WNT4: variants seen among roughly 807,000 people sequenced by gnomAD.
WNT4 encodes protein Wnt-4.
In WNT4, 16 loss-of-function variants were observed where a neutral mutation model predicts 34.5. That is an observed-to-expected ratio of 0.46 (90% CI 0.31 to 0.70). The LOEUF (loss-of-function observed/expected upper bound fraction) is 0.70, where lower values mean the gene tolerates loss of function less well. Among genes scored for constraint, WNT4 ranks in the 30% least tolerant of loss-of-function variants. WNT4 has a pLI of 0.04. For missense variants in WNT4, 379 were observed against 495.9 expected (o/e 0.76, Z 2.24); for synonymous variants, 200 against 211.9 (o/e 0.94, Z 0.49).
chr1:22,141,217 C>A (rs1646063571), intron 1 of WNT4, among the ~76,000 whole-genome samples: 1 of 152,242 alleles, frequency 6.6e-6, no homozygotes, highest in Non-Finnish European at 1.5e-5. Context: ...ATGTCGCTGT[C>A]TTCCATGTAG....
chr1:22,143,047 C>T lies in WNT4; in HGVS notation c.-125G>A, dbSNP rs1646085546. On this transcript the variant is annotated 5_prime_UTR_variant, in exon 1 of 5. Transcript: ENST00000290167. Reference sequence around the variant, plus strand: ...GCGGCGGGGCTCTGCCTCCGTGTGCCTGCCGGCAGCCTGCCCGCTGCTGCG... The same window carrying T: ...GCGGCGGGGCTCTGCCTCCGTGTGCTTGCCGGCAGCCTGCCCGCTGCTGCG... 1 of 291,640 alleles carries T rather than the reference C, an allele frequency of 3.4e-6. No homozygotes were observed. Among genetic ancestry groups the T allele is most frequent in the African/African-American group, 2.3e-5 (1 of 43,288 alleles). The allele number at this position is 291,640 out of a possible 1,614,324, so 18.1% of individuals were successfully genotyped here. A position where few individuals can be genotyped will look rare whatever the true frequency, so the allele number is the denominator to read the frequency against.
At position 22,119,752 on chromosome 1, in the gene WNT4, A is replaced by C; in HGVS notation, c.*298T>G. ...TACTCCACCTTAGGTCTGCAAGTAG[A>C]AAAACGGACACAGATAACAACTGAG... On this transcript the variant is annotated 3_prime_UTR_variant, in exon 5 of 5. Coordinates refer to ENST00000290167, the MANE Select transcript of WNT4 (RefSeq NM_030761.5). 1 of 509,992 alleles carries C rather than the reference A, an allele frequency of 2.0e-6. No individual in the cohort carries two copies. 31.6% of individuals were successfully genotyped at this position (509,992 alleles called of 1,614,324 possible). A position where few individuals can be genotyped will look rare whatever the true frequency, so the allele number is the denominator to read the frequency against.
At position 22,118,739 on chromosome 1, in the gene WNT4, C is replaced by T. The variant is rs928346452; in HGVS notation, c.*1311G>A. 5.7e-4 allele frequency: 87 copies of T among 152,712 alleles called. 2 individuals are homozygous for T. Among genetic ancestry groups the T allele is most frequent in the Non-Finnish European group, 2.9e-5 (2 of 68,458 alleles). The allele number at this position is 152,712 out of a possible 1,614,324, so 9.5% of individuals were successfully genotyped here. On this transcript the variant is annotated 3_prime_UTR_variant, in exon 5 of 5. Coordinates refer to ENST00000290167, the MANE Select transcript of WNT4 (RefSeq NM_030761.5). ...TGCCCCTTTTCGTCCAGCCAGAACC[C>T]CTGCCCCAGGCTCAGACCCAAGAAG... is the stretch of plus-strand genomic sequence containing the variant.
chr1:22,129,405 C>T (rs752014199), intron 2 of WNT4, among the ~76,000 whole-genome samples: 1 of 152,200 alleles, frequency 6.6e-6, no homozygotes, highest in Non-Finnish European at 1.5e-5. Flanking sequence ...TTCTGATGGC[C>T]CCCATCCCAC....
rs1477555330 is a variant in WNT4 at position 22,137,862 on chromosome 1, C to A, written c.77+4984G>T. ...CACTTCCTGCCACCCACCTCTGTGC[C>A]TTTTAGTATCACCTGAGCCTCAGGG... On this transcript the variant is annotated intron_variant, in intron 1 of 4. Coordinates refer to ENST00000290167, the MANE Select transcript of WNT4 (RefSeq NM_030761.5). This position sits in a 1 kb window ranked among gnomAD's most constrained non-coding sequence, Gnocchi z 5.3. Among the ~76,000 whole-genome samples the A allele has an allele frequency of 6.6e-6, 1 of 152,190 alleles. No individual in the cohort carries two copies. Among genetic ancestry groups the A allele is most frequent in the African/African-American group, 2.4e-5 (1 of 41,442 alleles).
At chr1:22,120,905 G>T (rs1645892438) in intron 4 of WNT4, among the ~76,000 whole-genome samples, 1 of 152,130 alleles carries the variant, frequency 6.6e-6, no homozygotes, top group African/African-American at 2.4e-5. Flanking sequence ...GGAGAGAAAG[G>T]TTCACATCTA....
intron 1 of WNT4, among the ~76,000 whole-genome samples, chr1:22,130,879 A>G (rs1406861993): frequency 6.6e-6 from 1 of 152,270 alleles, no homozygotes. Flanking sequence ...CTTTCTGATG[A>G]TAAGAAGAAA....
In WNT4 at chr1:22,142,851, G is replaced by C. The variant is rs1646082663; in HGVS notation, c.72C>G (p.Asn24Lys). Residue 24 changes from asparagine (N) to lysine (K), a missense_variant, in exon 1 of 5, where the codon AAC becomes AAG. Physicochemically the swap from Asn to Lys is moderately conservative, Grantham distance 94 (BLOSUM62 0). This residue lies in a region of WNT4 where 66 missense variants were observed against 50.1 expected (regional missense o/e 1.32). Coordinates refer to ENST00000290167, the MANE Select transcript of WNT4 (RefSeq NM_030761.5). The surrounding 1 kb of genome is among the most constrained non-coding windows in gnomAD (Gnocchi z 6.0). ...TCGGCCCCGGCCAGACTTACAGCCA[G>C]TTGCTCGCGGCGGCTGAGAAGACGG... Reference protein sequence around the residue: ...VFAVFSAAASNWLYLAKLSSV... With the variant: ...VFAVFSAAASKWLYLAKLSSV... The C allele has an allele frequency of 8.3e-7, 1 of 1,211,266 alleles. No individual in the cohort carries two copies. The allele number at this position is 1,211,266 out of a possible 1,614,324, so 75.0% of individuals were successfully genotyped here.
chr1:22,129,889 C>T, intron 1 of WNT4, 38 bp from the exon 2 acceptor site: 1 of 1,607,238 alleles, frequency 6.2e-7, no homozygotes, highest in Non-Finnish European at 8.5e-7. Context: ...AGCCCACCTC[C>T]TCATCTTTCC....
rs553097752 is a variant in WNT4 at position 22,124,548 on chromosome 1, C to A, written c.314-2972G>T. Among the ~76,000 whole-genome samples the A allele has an allele frequency of 3.9e-5, 6 of 152,308 alleles. No individual in the cohort carries two copies. The South Asian group carries it at 1.2e-3, about 32-fold the overall frequency. On this transcript the variant is annotated intron_variant, in intron 2 of 4. Coordinates refer to ENST00000290167, the MANE Select transcript of WNT4 (RefSeq NM_030761.5). Reference sequence around the variant, plus strand: ...AGGGCTTGCTATGTGCTGTCTAAGGCTCATGACAGCCTTAGCAATGAGCTC... The same window carrying A: ...AGGGCTTGCTATGTGCTGTCTAAGGATCATGACAGCCTTAGCAATGAGCTC...
chr1:22,121,395 G>T, intron 3 of WNT4, 42 bp from the exon 4 acceptor site: 11 of 1,613,804 alleles, frequency 6.8e-6, no homozygotes, highest in Non-Finnish European at 9.3e-6. Flanking sequence ...GTGAGTGAGG[G>T]CCAGGGCCAA....
Position 22,140,768 on chromosome 1 carries a change from A to G in WNT4, c.77+2078T>C, listed in dbSNP as rs1038481464. ...TGGAGCAGAGAGACCCTTGGCTTGA[A>G]GCCGGGGGTGGAGCAGGAGTGAGCT... On this transcript the variant is annotated intron_variant, in intron 1 of 4. Transcript: ENST00000290167. This position sits in a 1 kb window ranked among gnomAD's most constrained non-coding sequence, Gnocchi z 5.9. Among the ~76,000 whole-genome samples the G allele has an allele frequency of 1.3e-5, 2 of 152,194 alleles. No individual in the cohort carries two copies. Among genetic ancestry groups the G allele is most frequent in the Admixed American group, 6.5e-5 (1 of 15,278 alleles).
Position 22,134,754 on chromosome 1 carries a change from G to A in WNT4, c.78-4903C>T, listed in dbSNP as rs548677931. On this transcript the variant is annotated intron_variant, in intron 1 of 4. Transcript: ENST00000290167. The surrounding 1 kb of genome is among the most constrained non-coding windows in gnomAD (Gnocchi z 4.1). ...CAAGATGCTCACTGTCATCGGTGCC[G>A]TCACCACCCCTCCCACAGCCTCTCC... 9.9e-5 allele frequency among the ~76,000 whole-genome samples: 15 copies of A among 152,224 alleles called. No individual in the cohort carries two copies. Among genetic ancestry groups the A allele is most frequent in the Non-Finnish European group, 1.6e-4 (11 of 68,010 alleles).
At chr1:22,122,263 TCCA>T (rs1017877971) in intron 2 of WNT4, among the ~76,000 whole-genome samples, 8 of 152,092 alleles carry the variant, frequency 5.3e-5, no homozygotes, top group Non-Finnish European at 1.2e-4. Flanking sequence ...GCATAAGCCC[TCCA>T]CCACTGGGGG....
rs1157212960 is a variant in WNT4, at chr1:22,119,721, C to G, written c.*329G>C. 13 of 448,586 alleles carry G rather than the reference C, an allele frequency of 2.9e-5. No individual in the cohort carries two copies. The East Asian group carries it at 5.5e-4, about 19-fold the overall frequency. 27.8% of individuals were successfully genotyped at this position (448,586 alleles called of 1,614,324 possible). A position where few individuals can be genotyped will look rare whatever the true frequency, so the allele number is the denominator to read the frequency against. ...TCAGTAGCCATGTGGTGGTAATACT[C>G]CTTGTTACTCCACCTTAGGTCTGCA... On this transcript the variant is annotated 3_prime_UTR_variant, in exon 5 of 5. Coordinates refer to ENST00000290167, the MANE Select transcript of WNT4 (RefSeq NM_030761.5).
At position 22,120,054 on chromosome 1, in the gene WNT4, C is replaced by G; in HGVS notation, c.1052G>C (p.Arg351Pro). 1 of 1,607,020 alleles carries G rather than the reference C, an allele frequency of 6.2e-7. No homozygotes were observed. The highest frequency in any genetic ancestry group is 8.5e-7 in the Non-Finnish European group (1 of 1,179,592). Reference protein sequence around the residue: ...CQRLVELHTCR With the variant: ...CQRLVELHTCP ...GGCGCAGGGCTAGGCAGGCGGTCAT[C>G]GGCACGTGTGCAACTCCACGAGCCG... Residue 351 changes from arginine to proline, a missense_variant, in exon 5 of 5, where the codon CGA (arginine) becomes CCA (proline). Arg to Pro is a moderately radical substitution (Grantham distance 103, BLOSUM62 -2). Around this residue, in one of 2 missense-constraint regions of WNT4, gnomAD observed 313 missense variants for 445.8 expected, o/e 0.70. Transcript: ENST00000290167.
chr1:22,141,596 G>T (rs886680915), intron 1 of WNT4, among the ~76,000 whole-genome samples: 2 of 152,098 alleles, frequency 1.3e-5, no homozygotes, highest in African/African-American at 4.8e-5. Flanking sequence ...CAGCCACTTC[G>T]GGCTGCCTTG....
chr1:22,133,444 A>G (rs1237281684), intron 1 of WNT4, among the ~76,000 whole-genome samples: 1 of 152,136 alleles, frequency 6.6e-6, no homozygotes, highest in African/African-American at 2.4e-5. Flanking sequence ...TCAACCCCAG[A>G]GACACGTGTG....
At position 22,119,815 on chromosome 1, in the gene WNT4, G is replaced by T; in HGVS notation, c.*235C>A. ...GCCACATGCGGGCAGCCAGCGGCAC[G>T]AGCAAGGTCCCTTTGGTCAGTGGCA... is the stretch of plus-strand genomic sequence containing the variant. On this transcript the variant is annotated 3_prime_UTR_variant, in exon 5 of 5. Transcript: ENST00000290167. 1 of 595,632 alleles carries T rather than the reference G, an allele frequency of 1.7e-6. No homozygotes were observed. Among genetic ancestry groups the T allele is most frequent in the Non-Finnish European group, 3.0e-6 (1 of 336,200 alleles). The allele number at this position is 595,632 out of a possible 1,614,324, so 36.9% of individuals were successfully genotyped here.
Sources: gnomAD v4.1 joint callset for allele counts (sites outside exome capture counted in the v4.1 genomes callset) on GRCh38, gnomAD v4.1.1 for gene constraint, gnomAD v4.1.1 regional missense constraint, Gnocchi (gnomAD v3.1) non-coding constraint, MANE v1.5 for transcripts, NCBI Gene and HGNC (gene_info 2026-07-23, HGNC 2026-07-21) for gene names.